Variants in EFR3A observed in about 807,000 individuals in gnomAD.
The protein encoded by EFR3A is EFR3 homolog A, also known as protein EFR3 homolog A.
Under a neutral mutation model 104.4 loss-of-function variants are expected in EFR3A, and 76 were observed. The ratio of observed to expected loss-of-function variants is 0.73; its 90% CI spans 0.60 to 0.88. The LOEUF (loss-of-function observed/expected upper bound fraction) is 0.88. EFR3A is among the 40% of genes least tolerant of loss of function. EFR3A has a pLI of 0.00. For synonymous variants in EFR3A, 330 were observed against 330.0 expected (o/e 1.00, Z 0.00); for missense variants, 985 against 1,012.5 (o/e 0.97, Z 0.37).
intron 11 of EFR3A, 135 bp downstream of exon 11, chr8:131,976,276 A>G: frequency 1.6e-6 from 1 of 640,342 alleles, no homozygotes; most frequent in Non-Finnish European, 2.7e-6. Context: ...AGTTAGTATT[A>G]TTATGACAGT....
chr8:132,010,404 T>TTATA (rs1822267996), intron 22 of EFR3A, among the ~76,000 whole-genome samples: 1 of 51,680 alleles, frequency 1.9e-5, no homozygotes, highest in Non-Finnish European at 3.5e-5. Context: ...AAATCAAGTA[T>TTATA]GAGATATATA....
intron 12 of EFR3A, among the ~76,000 whole-genome samples, chr8:131,978,313 G>GT: frequency 6.6e-6 from 1 of 152,224 alleles, no homozygotes; most frequent in East Asian, 1.9e-4. Flanking sequence ...AAAGTTTTAT[G>GT]TTTAGAAGAT....
chr8:131,951,596 C>T (rs186675333), intron 5 of EFR3A, among the ~76,000 whole-genome samples: 23 of 152,092 alleles, frequency 1.5e-4, no homozygotes, highest in African/African-American at 2.9e-4. Flanking sequence ...GAATGTAGTA[C>T]GTTTTTCTAA....
chr8:131,905,452 TTAAA>T (rs1816207591), intron 1 of EFR3A, among the ~76,000 whole-genome samples: 1 of 152,188 alleles, frequency 6.6e-6, no homozygotes, highest in South Asian at 2.1e-4. Flanking sequence ...TTAAAGATAT[TTAAA>T]TATCTTTTTG....
chr8:131,967,746 C>G (rs1819825654), intron 8 of EFR3A, among the ~76,000 whole-genome samples: 1 of 151,910 alleles, frequency 6.6e-6, no homozygotes, highest in Non-Finnish European at 1.5e-5. Flanking sequence ...TAAATTTTGT[C>G]AGGTACACAT....
At chr8:131,945,488 A>C (rs1818392170) in intron 3 of EFR3A, among the ~76,000 whole-genome samples, 1 of 152,068 alleles carries the variant, frequency 6.6e-6, no homozygotes, top group Admixed American at 6.6e-5. Flanking sequence ...AGTTTATTGG[A>C]GTATTCTATT....
chr8:131,925,775 T>C (rs1385097268), intron 1 of EFR3A, among the ~76,000 whole-genome samples: 1 of 152,168 alleles, frequency 6.6e-6, no homozygotes, highest in Non-Finnish European at 1.5e-5. Flanking sequence ...AATTGGGTTT[T>C]AGTAGAAAGA....
intron 8 of EFR3A, 72 bp from the exon 9 acceptor site, chr8:131,968,223 T>G: frequency 2.0e-6 from 3 of 1,473,376 alleles, no homozygotes; most frequent in Admixed American, 2.2e-5. Context: ...TCAGGTGTTT[T>G]TTTTATTCTT....
At position 131,959,650 on chromosome 8, in the gene EFR3A, T is replaced by C. The variant is rs746033674; in HGVS notation, c.842T>C (p.Met281Thr). The change falls in exon 8 of 23, where the codon ATG becomes ACG. Residue 281 changes from methionine (M) to threonine (T), a missense_variant. Coordinates refer to ENST00000254624, the MANE Select transcript of EFR3A (RefSeq NM_015137.6). ...EFAVHCFKII[M>T]YSIQAQYSHH... ...GCAGTTCACTGCTTTAAAATTATAATGTATTCCATTCAGGTAAGGTTTGAT... is the reference window on the plus strand; with the variant it reads ...GCAGTTCACTGCTTTAAAATTATAACGTATTCCATTCAGGTAAGGTTTGAT... 2.7e-5 allele frequency: 43 copies of C among 1,610,930 alleles called. No homozygotes were observed. The highest frequency in any genetic ancestry group is 3.5e-5 in the Non-Finnish European group (41 of 1,178,578).
intron 4 of EFR3A, among the ~76,000 whole-genome samples, chr8:131,949,434 T>G (rs1818592033): frequency 6.6e-6 from 1 of 152,142 alleles, no homozygotes; most frequent in Non-Finnish European, 1.5e-5. Context: ...ACACTGTCAT[T>G]ATTATGGATT....
At position 131,953,946 on chromosome 8, in the gene EFR3A, A is replaced by G; in HGVS notation, c.617A>G (p.Gln206Arg). The change falls in exon 6 of 23, where the codon CAA (glutamine) becomes CGA (arginine). Residue 206 changes from glutamine to arginine, a missense_variant. Coordinates refer to ENST00000254624, the MANE Select transcript of EFR3A (RefSeq NM_015137.6). ...KIVPSLLFNM[Q>R]KIEEVDSRIG... ...GTTCCATCCCTCCTGTTTAACATGC[A>G]AAAGATAGAAGAAGTTGACAGGTAT... 1 of 1,553,612 alleles carries G rather than the reference A, an allele frequency of 6.4e-7. No homozygotes were observed. Among genetic ancestry groups the G allele is most frequent in the East Asian group, 2.3e-5 (1 of 42,930 alleles).
chr8:132,010,405 GAGATATATATATATATATATATATAT>G lies in EFR3A; in HGVS notation c.2361-383_2361-358del, dbSNP rs1425502357. The stretch of plus-strand genomic sequence containing the variant: ...TTGTTCTCTGGATTAAATCAAGTAT[GAGATATATATATATATATATATATAT>G]ATATATATATATATATATAATGAAA... On this transcript the variant is annotated intron_variant, in intron 22 of 22. Coordinates refer to ENST00000254624, the MANE Select transcript of EFR3A (RefSeq NM_015137.6). Among the ~76,000 whole-genome samples the G allele has an allele frequency of 1.9e-4, 17 of 88,010 alleles. 1 individual carries two copies. The highest frequency in any genetic ancestry group is 7.6e-4 in the African/African-American group (16 of 21,094). 57.7% of individuals were successfully genotyped at this position (88,010 alleles called of 152,430 possible).
At chr8:131,994,224 C>T (rs1476016917) in intron 18 of EFR3A, among the ~76,000 whole-genome samples, 1 of 148,988 alleles carries the variant, frequency 6.7e-6, no homozygotes, top group Non-Finnish European at 1.5e-5. Context: ...GCCAGGGTGA[C>T]AGAGAAGAGA....
chr8:131,989,804 A>G (rs2130773294), intron 18 of EFR3A, among the ~76,000 whole-genome samples: 1 of 152,340 alleles, frequency 6.6e-6, no homozygotes, highest in Non-Finnish European at 1.5e-5. Flanking sequence ...AAACACAGTG[A>G]TAACTAGATC....
At chr8:131,904,844 C>G (rs1816163216) in intron 1 of EFR3A, among the ~76,000 whole-genome samples, 1 of 152,194 alleles carries the variant, frequency 6.6e-6, no homozygotes, top group African/African-American at 2.4e-5. Context: ...TAGGCAGAGG[C>G]ACCTCGACTG....
Position 131,946,479 on chromosome 8 carries a change from G to A in EFR3A, c.216-4G>A. ...CTTTGACATTCTTTTTCTCCTACAT[G>A]TAGGTATGTTTTGATTGCTATGGAG... On this transcript the variant is annotated splice_region_variant and splice_polypyrimidine_tract_variant and intron_variant, in intron 3 of 22. Transcript: ENST00000254624. 2 of 1,547,950 alleles carry A rather than the reference G, an allele frequency of 1.3e-6. No homozygotes were observed. The highest frequency in any genetic ancestry group is 1.4e-5 in the African/African-American group (1 of 71,666).
intron 18 of EFR3A, among the ~76,000 whole-genome samples, chr8:131,993,104 C>T (rs1821281923): frequency 6.6e-6 from 1 of 152,072 alleles, no homozygotes; most frequent in Admixed American, 6.6e-5. Flanking sequence ...AGGAATGCTG[C>T]TGAACATCTT....
At chr8:132,006,094 C>T (rs979968059) in intron 22 of EFR3A, among the ~76,000 whole-genome samples, 72 of 152,096 alleles carry the variant, frequency 4.7e-4, no homozygotes, top group African/African-American at 1.7e-3. Context: ...TAAAATCGTG[C>T]TCAGGAGCAA....
chr8:131,913,554 ATTCTGTCC>A (rs1213846622), intron 1 of EFR3A, among the ~76,000 whole-genome samples: 1 of 151,974 alleles, frequency 6.6e-6, no homozygotes, highest in Non-Finnish European at 1.5e-5. Context: ...TTTAAGAGGA[ATTCTGTCC>A]TTCTAAATGC....
Sources: allele counts gnomAD v4.1 joint callset (sites outside exome capture counted in the v4.1 genomes callset), GRCh38; gene constraint gnomAD v4.1.1; transcripts MANE v1.5; gene names NCBI Gene and HGNC (gene_info 2026-07-23, HGNC 2026-07-21).